Variants in SUSD4 observed in about 807,000 individuals in gnomAD.
The protein encoded by SUSD4 is sushi domain containing 4.
SUSD4 carries 41 observed loss-of-function variants against 50.5 expected under a neutral mutation model. The ratio of observed to expected loss-of-function variants is 0.81; its 90% CI spans 0.63 to 1.05. The LOEUF is 1.05. Among genes scored for constraint, SUSD4 ranks in the 50% least tolerant of loss-of-function variants. SUSD4 has a pLI of 0.00. For synonymous variants in SUSD4, 257 were observed against 257.3 expected, an observed-to-expected ratio of 1.00 and a Z score of 0.01; for missense variants, 580 against 634.7, an observed-to-expected ratio of 0.91 and a Z score of 0.93.
At chr1:223,260,982 C>T (rs557645496) in intron 5 of SUSD4, among the ~76,000 whole-genome samples, 8 of 152,302 alleles carry the variant, frequency 5.3e-5, no homozygotes, top group Admixed American at 1.3e-4. Context: ...AGGTGCCATG[C>T]GGCAGAGACC....
chr1:223,264,318 G>T (rs1279729777), intron 5 of SUSD4: 2 of 1,075,078 alleles, frequency 1.9e-6, no homozygotes, highest in African/African-American at 3.3e-5. Context: ...GTTCCCATTT[G>T]GTGCAGAGAA....
At chr1:223,268,461 GAAT>G in intron 4 of SUSD4, 38 bp downstream of exon 4, 1 of 1,582,186 alleles carries the variant, frequency 6.3e-7, no homozygotes, top group Non-Finnish European at 8.6e-7. Context: ...AAGTCCGAGA[GAAT>G]AATAGCCCAG....
intron 5 of SUSD4, among the ~76,000 whole-genome samples, chr1:223,233,193 G>A (rs966509998): frequency 3.3e-5 from 5 of 152,202 alleles, no homozygotes; most frequent in African/African-American, 4.8e-5. Context: ...TGTCATAATC[G>A]GCTGGTAATG....
In SUSD4 at chr1:223,361,048, G is replaced by T. The variant is rs374628295; in HGVS notation, c.148+2230C>A. 3.3e-5 allele frequency among the ~76,000 whole-genome samples: 5 copies of T among 152,266 alleles called. No individual in the cohort carries two copies. In the East Asian group the frequency reaches 9.7e-4, roughly 29 times the overall value. On this transcript the variant is annotated intron_variant, in intron 2 of 8. Transcript: ENST00000366878. ...CACCTGGGAGCTTATTAGAAATGCCGAGTCTCAGGCCCCACTCCAGACCAA... is the reference window on the plus strand; with the variant it reads ...CACCTGGGAGCTTATTAGAAATGCCTAGTCTCAGGCCCCACTCCAGACCAA...
chr1:223,226,821 G>T (rs993689025), intron 7 of SUSD4, among the ~76,000 whole-genome samples: 20 of 152,192 alleles, frequency 1.3e-4, no homozygotes, highest in African/African-American at 4.3e-4. Flanking sequence ...GTGTTCTGTG[G>T]TGTTTTGCTG....
chr1:223,346,144 C>A (rs1668020639), intron 2 of SUSD4, among the ~76,000 whole-genome samples: 2 of 152,260 alleles, frequency 1.3e-5, no homozygotes, highest in Middle Eastern at 6.8e-3. Context: ...AGTCGTAGCA[C>A]ACACCCTCTA....
At chr1:223,363,944 A>C (rs1348857760) in intron 1 of SUSD4, 113 bp downstream of exon 1, 1 of 118,396 alleles carries the variant, frequency 8.4e-6, no homozygotes, top group Non-Finnish European at 1.7e-5. Context: ...CTGCGCTGTC[A>C]AAAAAAAAAA....
At chr1:223,249,766 C>CA (rs1253571070) in intron 5 of SUSD4, among the ~76,000 whole-genome samples, 4 of 152,018 alleles carry the variant, frequency 2.6e-5, no homozygotes, top group Non-Finnish European at 5.9e-5. Context: ...TAGTGTTCTG[C>CA]AAAAAACATA....
chr1:223,243,392 G>A lies in SUSD4; in HGVS notation c.725-14004C>T, dbSNP rs1430984841. Among the ~76,000 whole-genome samples, 3 of 152,310 alleles carry A rather than the reference G, an allele frequency of 2.0e-5. No homozygotes were observed. The South Asian group carries it at 6.2e-4, about 32-fold the overall frequency. On this transcript the variant is annotated intron_variant, in intron 5 of 8. Coordinates refer to ENST00000366878, the MANE Select transcript of SUSD4 (RefSeq NM_017982.4). ...AGTCACCCAGCCTCCCTGCGCACTG[G>A]CAGGGGACTCAGAGCCACCTTCTCC... is the stretch of plus-strand genomic sequence containing the variant.
chr1:223,227,003 C>A lies in SUSD4; in HGVS notation c.1061+591G>T, dbSNP rs1467070870. ...ATGACTTGAGGCTGAAGATACCAAC[C>A]CGAGCTGATTGGTGCAGCTCAGAAG... On this transcript the variant is annotated intron_variant, in intron 7 of 8. Transcript: ENST00000366878. This position sits in a 1 kb window ranked among gnomAD's most constrained non-coding sequence, Gnocchi z 4.5. 5.9e-5 allele frequency among the ~76,000 whole-genome samples: 9 copies of A among 152,166 alleles called. No individual in the cohort carries two copies.
chr1:223,275,136 A>G (rs1437412945), intron 3 of SUSD4, among the ~76,000 whole-genome samples: 1 of 152,234 alleles, frequency 6.6e-6, no homozygotes, highest in East Asian at 1.9e-4. Flanking sequence ...GGGCCTGGCA[A>G]GTAGAGAGTG....
chr1:223,307,633 G>A (rs1339816651), intron 2 of SUSD4, among the ~76,000 whole-genome samples: 2 of 152,132 alleles, frequency 1.3e-5, no homozygotes, highest in African/African-American at 4.8e-5. Flanking sequence ...AGATGGGGAG[G>A]AAGAACAAGA....
At chr1:223,245,740 G>A (rs1053539932) in intron 5 of SUSD4, among the ~76,000 whole-genome samples, 2 of 152,190 alleles carry the variant, frequency 1.3e-5, no homozygotes, top group Non-Finnish European at 2.9e-5. Context: ...AGATGATGGC[G>A]GCCTGGACCA....
At position 223,223,322 on chromosome 1, in the gene SUSD4, C is replaced by G; in HGVS notation, c.1371G>C (p.Ser457=). Residue 457 remains serine, a synonymous_variant, in exon 8 of 9, where the codon TCG becomes TCC. Transcript: ENST00000366878. ...TGCTGGCAATTATGTCAGGGTTGTC[C>G]GAAGCAGGGTGGGTGCTCTCTTGGC... is the stretch of plus-strand genomic sequence containing the variant. ...PRCQESTHPA[S]DNPDIIASTA... 2 of 1,606,034 alleles carry G rather than the reference C, an allele frequency of 1.2e-6. No homozygotes were observed. The highest frequency in any genetic ancestry group is 1.7e-6 in the Non-Finnish European group (2 of 1,176,520).
At chr1:223,322,705 G>A (rs959783282) in intron 2 of SUSD4, among the ~76,000 whole-genome samples, 2 of 152,118 alleles carry the variant, frequency 1.3e-5, no homozygotes, top group Non-Finnish European at 2.9e-5. Flanking sequence ...CATGCGAGGC[G>A]GGGAGCAGAA....
intron 5 of SUSD4, among the ~76,000 whole-genome samples, chr1:223,243,870 T>C (rs1660748188): frequency 6.6e-6 from 1 of 152,254 alleles, no homozygotes; most frequent in South Asian, 2.1e-4. Flanking sequence ...GAGACTATTA[T>C]GTTTGGACAA....
At chr1:223,295,015 CAT>C (rs1664731549) in intron 2 of SUSD4, among the ~76,000 whole-genome samples, 2 of 152,228 alleles carry the variant, frequency 1.3e-5, no homozygotes, top group South Asian at 4.2e-4. Context: ...AATATTGAAA[CAT>C]ATATTTATGA....
At chr1:223,225,266 A>G (rs764005155) in intron 7 of SUSD4, among the ~76,000 whole-genome samples, 17 of 152,156 alleles carry the variant, frequency 1.1e-4, no homozygotes, top group Non-Finnish European at 2.4e-4. Context: ...GGGTGGGCAG[A>G]CCCTGAATCT....
chr1:223,250,584 G>A (rs1661235229), intron 5 of SUSD4, among the ~76,000 whole-genome samples: 1 of 152,152 alleles, frequency 6.6e-6, no homozygotes, highest in South Asian at 2.1e-4. Context: ...CATGCCATGG[G>A]GTTTTAAGTG....
Sources: gnomAD v4.1 joint callset for allele counts (sites outside exome capture counted in the v4.1 genomes callset) on GRCh38, gnomAD v4.1.1 for gene constraint, Gnocchi (gnomAD v3.1) non-coding constraint, MANE v1.5 for transcripts, NCBI Gene and HGNC (gene_info 2026-07-23, HGNC 2026-07-21) for gene names.